The following PEX14 variants were observed in gnomAD, a reference collection of about 807,000 sequenced individuals.
PEX14 encodes peroxisomal biogenesis factor 14.
PEX14 carries 15 observed loss-of-function variants against 49.5 expected under a neutral mutation model. The ratio of observed to expected loss-of-function variants is 0.30; its 90% CI spans 0.20 to 0.47. PEX14 has a LOEUF of 0.47. PEX14 is among the 20% of genes least tolerant of loss of function. The pLI is 1.00. For synonymous variants in PEX14, 210 were observed against 212.7 expected (o/e 0.99, Z 0.11); for missense variants, 398 against 494.8 (o/e 0.80, Z 1.86).
chr1:10,563,358 G>C (rs903990573), intron 3 of PEX14, among the ~76,000 whole-genome samples: 1 of 151,688 alleles, frequency 6.6e-6, no homozygotes, highest in Non-Finnish European at 1.5e-5. Flanking sequence ...CCAGCACTTT[G>C]GGAGGCCGAG....
In PEX14 at chr1:10,520,148, C is replaced by CTTTTTTTTTTTTTTTTTTTTTT. The variant is rs565247030; in HGVS notation, c.85-16051_85-16050insTTTTTTTTTTTTTTTTTTTTTT. On this transcript the variant is annotated intron_variant, in intron 2 of 8. Transcript: ENST00000356607. ...AGCTGTTGTGCCTGGCCTTCTTCTT[C>CTTTTTTTTTTTTTTTTTTTTTT]TTTTTTTTTTTTTTGTTTTTTTAAC... Among the ~76,000 whole-genome samples, 47 of 69,164 alleles carry CTTTTTTTTTTTTTTTTTTTTTT rather than the reference C, an allele frequency of 6.8e-4. 2 individuals carry two copies. Among genetic ancestry groups the CTTTTTTTTTTTTTTTTTTTTTT allele is most frequent in the East Asian group, 1.7e-3 (4 of 2,318 alleles). The allele number at this position is 69,164 out of a possible 152,430, so 45.4% of individuals were successfully genotyped here.
intron 3 of PEX14, among the ~76,000 whole-genome samples, chr1:10,598,508 G>A (rs1186289335): frequency 6.6e-6 from 1 of 152,168 alleles, no homozygotes; most frequent in Non-Finnish European, 1.5e-5. Context: ...TGCAGATGGC[G>A]CCCTGCCACT....
chr1:10,601,078 G>GA (rs1468310051), intron 4 of PEX14, among the ~76,000 whole-genome samples: 1 of 152,088 alleles, frequency 6.6e-6, no homozygotes. Context: ...CCTGGCCAAT[G>GA]TGGCAAAACC....
rs1193624439 is a variant in PEX14, at chr1:10,512,324, C to CA, written c.84+17005dup. 6.6e-6 allele frequency among the ~76,000 whole-genome samples: 1 copy of CA among 152,036 alleles called. No individual in the cohort carries two copies. Among genetic ancestry groups the CA allele is most frequent in the Admixed American group, 6.6e-5 (1 of 15,260 alleles). On this transcript the variant is annotated intron_variant, in intron 2 of 8. Transcript: ENST00000356607. This position sits in a 1 kb window ranked among gnomAD's most constrained non-coding sequence, Gnocchi z 4.6. ...TTTCTGGATCTTTTTTTCTGATACC[C>CA]AACACTGTGGCACTTGACTAAGTCA...
rs1018462338 is a variant in PEX14 at position 10,539,004 on chromosome 1, T to G, written c.169+2707T>G. On this transcript the variant is annotated intron_variant, in intron 3 of 8. Coordinates refer to ENST00000356607, the MANE Select transcript of PEX14 (RefSeq NM_004565.3). This position sits in a 1 kb window ranked among gnomAD's most constrained non-coding sequence, Gnocchi z 4.6. ...TCCTGAAAAGGCAAATCCAATTTTGTTTTTCTTTTAATATTATTTAATATT... is the reference window on the plus strand; with the variant it reads ...TCCTGAAAAGGCAAATCCAATTTTGGTTTTCTTTTAATATTATTTAATATT... Among the ~76,000 whole-genome samples the G allele has an allele frequency of 6.6e-6, 1 of 152,208 alleles. No homozygotes were observed. Among genetic ancestry groups the G allele is most frequent in the African/African-American group, 2.4e-5 (1 of 41,470 alleles).
At chr1:10,608,749 AAAAC>A (rs200955651) in intron 4 of PEX14, among the ~76,000 whole-genome samples, 2,894 of 152,314 alleles carry the variant, frequency 0.019, 46 homozygotes, top group Middle Eastern at 0.054. Context: ...AATAAAAAAA[AAAAC>A]AAAGCTATCG....
At chr1:10,587,821 G>A (rs895314049) in intron 3 of PEX14, among the ~76,000 whole-genome samples, 2 of 148,510 alleles carry the variant, frequency 1.3e-5, no homozygotes, top group African/African-American at 2.5e-5. Flanking sequence ...AAAATAGCAA[G>A]GTATAGAACA....
At chr1:10,574,725 A>G (rs1209843561) in intron 3 of PEX14, among the ~76,000 whole-genome samples, 1 of 152,216 alleles carries the variant, frequency 6.6e-6, no homozygotes, top group Non-Finnish European at 1.5e-5. Flanking sequence ...GGCCAGTTTT[A>G]TGCGTCAACA....
intron 3 of PEX14, among the ~76,000 whole-genome samples, chr1:10,578,791 C>G (rs1640226815): frequency 6.6e-6 from 1 of 151,918 alleles, no homozygotes; most frequent in Non-Finnish European, 1.5e-5. Flanking sequence ...CTGAAATTTC[C>G]CTGGGTGAGA....
chr1:10,609,917 T>G (rs1641230614), intron 4 of PEX14, among the ~76,000 whole-genome samples: 1 of 151,588 alleles, frequency 6.6e-6, no homozygotes, highest in Non-Finnish European at 1.5e-5. Context: ...AATAAAACAT[T>G]TTGTATAAAT....
intron 3 of PEX14, among the ~76,000 whole-genome samples, chr1:10,598,798 A>G (rs1216870053): frequency 6.6e-6 from 1 of 152,114 alleles, no homozygotes; most frequent in African/African-American, 2.4e-5. Flanking sequence ...GAAACGATCT[A>G]GACTAATTAG....
intron 2 of PEX14, among the ~76,000 whole-genome samples, chr1:10,503,677 G>A (rs1641728226): frequency 1.3e-5 from 2 of 151,894 alleles, no homozygotes; most frequent in Admixed American, 6.6e-5. Context: ...GTTGACTGTT[G>A]TGTTGGTTAA....
chr1:10,506,497 G>A (rs1173097614), intron 2 of PEX14, among the ~76,000 whole-genome samples: 2 of 152,176 alleles, frequency 1.3e-5, no homozygotes, highest in African/African-American at 4.8e-5. Flanking sequence ...GGCTGGTCTT[G>A]AACTTGCGAC....
Position 10,571,755 on chromosome 1 carries a change from G to A in PEX14, c.170-27483G>A, listed in dbSNP as rs945914235. On this transcript the variant is annotated intron_variant, in intron 3 of 8. Transcript: ENST00000356607. ...ACCTGGGAGGCTGAGGTTGCAGGGA[G>A]CCGTGATTGTGCCACTGCACTCCAG... is the stretch of plus-strand genomic sequence containing the variant. Among the ~76,000 whole-genome samples, 12 of 152,114 alleles carry A rather than the reference G, an allele frequency of 7.9e-5. No individual in the cohort carries two copies. The East Asian group carries it at 1.2e-3, about 15-fold the overall frequency.
At chr1:10,605,043 C>T (rs936565506) in intron 4 of PEX14, among the ~76,000 whole-genome samples, 1 of 152,062 alleles carries the variant, frequency 6.6e-6, no homozygotes, top group African/African-American at 2.4e-5. Flanking sequence ...CCTAGACTCC[C>T]CACCCCGCCC....
intron 7 of PEX14, among the ~76,000 whole-genome samples, chr1:10,626,812 A>G (rs1309938247): frequency 6.6e-6 from 1 of 152,158 alleles, no homozygotes; most frequent in Non-Finnish European, 1.5e-5. Context: ...TACCAGCAAG[A>G]TTTTCCAGAA....
intron 2 of PEX14, among the ~76,000 whole-genome samples, chr1:10,508,406 A>G (rs560373436): frequency 6.6e-5 from 10 of 152,108 alleles, no homozygotes; most frequent in African/African-American, 2.4e-4. Context: ...ACGGGGTTTC[A>G]CTGTGTTAGC....
chr1:10,615,542 G>T (rs886748700), intron 4 of PEX14, among the ~76,000 whole-genome samples: 1 of 152,248 alleles, frequency 6.6e-6, no homozygotes, highest in Non-Finnish European at 1.5e-5. Flanking sequence ...AGCAGGCATT[G>T]CGCAGCGGCT....
intron 4 of PEX14, among the ~76,000 whole-genome samples, chr1:10,604,875 T>TG (rs1203315708): frequency 7.2e-5 from 11 of 151,922 alleles, no homozygotes; most frequent in East Asian, 5.8e-4. Flanking sequence ...GAGACATGGG[T>TG]GGGGGGGCAT....
Sources: allele counts gnomAD v4.1 joint callset (sites outside exome capture counted in the v4.1 genomes callset), GRCh38; gene constraint gnomAD v4.1.1; non-coding constraint Gnocchi (gnomAD v3.1); transcripts MANE v1.5; gene names NCBI Gene and HGNC (gene_info 2026-07-23, HGNC 2026-07-21).